MYRF: variants seen among roughly 807,000 people sequenced by gnomAD.
MYRF encodes the protein myelin gene regulatory factor.
In MYRF, 16 loss-of-function variants were observed where a neutral mutation model predicts 126.3. The ratio of observed to expected loss-of-function variants is 0.13; its 90% CI spans 0.09 to 0.19. The LOEUF (loss-of-function observed/expected upper bound fraction) is 0.19. Among genes scored for constraint, MYRF ranks in the 10% least tolerant of loss-of-function variants. MYRF has a pLI of 1.00. For missense variants in MYRF, 1,104 were observed against 1,547.0 expected (o/e 0.71, Z 4.80); for synonymous variants, 608 against 635.3 (o/e 0.96, Z 0.65).
At chr11:61,758,137 C>T (rs1363312872) in intron 1 of MYRF, among the ~76,000 whole-genome samples, 3 of 152,062 alleles carry the variant, frequency 2.0e-5, no homozygotes, top group African/African-American at 4.8e-5. Flanking sequence ...CAGTTGGGTC[C>T]GGAGCCCCCT....
In MYRF at chr11:61,770,411, C is replaced by T; in HGVS notation, c.626C>T (p.Ala209Val). 1 of 1,541,356 alleles carries T rather than the reference C, an allele frequency of 6.5e-7. No individual in the cohort carries two copies. Among genetic ancestry groups the T allele is most frequent in the South Asian group, 1.2e-5 (1 of 83,562 alleles). The change falls in exon 5 of 27, where the codon GCC becomes GTC. Residue 209 changes from alanine (A) to valine (V), a missense_variant. Transcript: ENST00000278836. ...CTGCAGCGGGATCTGTACATGAAGG[C>T]CGAGCCCCCGATCCCCCACTACGCT... ...PVLQRDLYMK[A>V]EPPIPHYAAM...
intron 1 of MYRF, among the ~76,000 whole-genome samples, chr11:61,760,975 T>G (rs766264334): frequency 1.3e-5 from 2 of 152,132 alleles, no homozygotes; most frequent in Non-Finnish European, 2.9e-5. Context: ...GAGAGGACAC[T>G]CAGAGCAACT....
At chr11:61,762,564 A>G (rs1357121607) in intron 1 of MYRF, among the ~76,000 whole-genome samples, 1 of 152,050 alleles carries the variant, frequency 6.6e-6, no homozygotes, top group African/African-American at 2.4e-5. Context: ...GGCGCTCCCG[A>G]GAGTGTGCCC....
chr11:61,762,333 G>A (rs2065921452), intron 1 of MYRF, among the ~76,000 whole-genome samples: 2 of 152,354 alleles, frequency 1.3e-5, no homozygotes, highest in South Asian at 2.1e-4. Context: ...GTTTGAGAAG[G>A]GAAGGACAGA....
chr11:61,758,018 C>T (rs1237614387), intron 1 of MYRF, among the ~76,000 whole-genome samples: 3 of 152,292 alleles, frequency 2.0e-5, no homozygotes, highest in Non-Finnish European at 1.5e-5. Context: ...CTCTAGACCT[C>T]AGAGCCCTCA....
chr11:61,787,288 C>T lies in MYRF; in HGVS notation c.*1145C>T, dbSNP rs1256486021. 1 of 152,300 alleles carries T rather than the reference C, an allele frequency of 6.6e-6. No individual in the cohort carries two copies. The highest frequency in any genetic ancestry group is 1.5e-5 in the Non-Finnish European group (1 of 68,048). The allele number at this position is 152,300 out of a possible 1,614,324, so 9.4% of individuals were successfully genotyped here. Reference sequence around the variant, plus strand: ...CCTCCGACACCCATCCCACTCCCAACCACCAAGACCCTGGGTTAGGGAAGA... The same window carrying T: ...CCTCCGACACCCATCCCACTCCCAATCACCAAGACCCTGGGTTAGGGAAGA... On this transcript the variant is annotated 3_prime_UTR_variant, in exon 27 of 27. Coordinates refer to ENST00000278836, the MANE Select transcript of MYRF (RefSeq NM_001127392.3).
chr11:61,774,187 G>A (rs1052731321), intron 8 of MYRF, 25 bp downstream of exon 8: 1 of 1,580,984 alleles, frequency 6.3e-7, no homozygotes. Context: ...CAGCAAGGAA[G>A]GGAGGGCAGG....
At chr11:61,763,653 C>G (rs1017775330) in intron 1 of MYRF, among the ~76,000 whole-genome samples, 4 of 152,180 alleles carry the variant, frequency 2.6e-5, no homozygotes, top group African/African-American at 4.8e-5. Context: ...CACCTGAGGT[C>G]AGGAGTTCAA....
Position 61,778,711 on chromosome 11 carries a change from G to C in MYRF, c.2013+222G>C, listed in dbSNP as rs2066455192. 2 of 657,828 alleles carry C rather than the reference G, an allele frequency of 3.0e-6. No individual in the cohort carries two copies. The highest frequency in any genetic ancestry group is 2.8e-6 in the Non-Finnish European group (1 of 356,552). 40.7% of individuals were successfully genotyped at this position (657,828 alleles called of 1,614,324 possible). A position where few individuals can be genotyped will look rare whatever the true frequency, so the allele number is the denominator to read the frequency against. On this transcript the variant is annotated intron_variant, in intron 14 of 26. Coordinates refer to ENST00000278836, the MANE Select transcript of MYRF (RefSeq NM_001127392.3). This position sits in a 1 kb window ranked among gnomAD's most constrained non-coding sequence, Gnocchi z 4.6. ...TGGCCCCTGGAGCCTGTGTGATCAA[G>C]GGCAAGAGAAACCCTGTGGAGGGCC...
Position 61,776,185 on chromosome 11 carries a change from C to G in MYRF, c.1388+53C>G. 1.9e-6 allele frequency: 3 copies of G among 1,605,426 alleles called. No individual in the cohort carries two copies. The highest frequency in any genetic ancestry group is 2.6e-6 in the Non-Finnish European group (3 of 1,172,302). On this transcript the variant is annotated intron_variant, in intron 9 of 26. Transcript: ENST00000278836. This position sits in a 1 kb window ranked among gnomAD's most constrained non-coding sequence, Gnocchi z 4.3. ...TACCTAGAAGGGTCCACAACTAAAG[C>G]TGGCTTGGGAATGGAGGGGCCAGGG...
chr11:61,758,645 T>G (rs2065825382), intron 1 of MYRF, among the ~76,000 whole-genome samples: 1 of 152,222 alleles, frequency 6.6e-6, no homozygotes, highest in Admixed American at 6.5e-5. Context: ...TGAAGTGTGC[T>G]GAGGTGTGAA....
chr11:61,777,222 C>T lies in MYRF; in HGVS notation c.1591-42C>T. 1 of 1,587,324 alleles carries T rather than the reference C, an allele frequency of 6.3e-7. No homozygotes were observed. The highest frequency in any genetic ancestry group is 8.6e-7 in the Non-Finnish European group (1 of 1,165,726). ...CTGCTCCCAGGGCCCTGCAGGTCCC[C>T]TCCCTATCCCCCAGGACTGATCCAG... On this transcript the variant is annotated intron_variant, in intron 11 of 26. Transcript: ENST00000278836. This position sits in a 1 kb window ranked among gnomAD's most constrained non-coding sequence, Gnocchi z 8.8.
Position 61,786,182 on chromosome 11 carries a change from G to A in MYRF, c.*39G>A, listed in dbSNP as rs1201370695. On this transcript the variant is annotated 3_prime_UTR_variant, in exon 27 of 27. Coordinates refer to ENST00000278836, the MANE Select transcript of MYRF (RefSeq NM_001127392.3). The surrounding 1 kb of genome is among the most constrained non-coding windows in gnomAD (Gnocchi z 4.5). ...GGCAGCACCACACCAGGGACCAGGGGTGCCCAGGCACCCCCCAACACTGGA... is the reference window on the plus strand; with the variant it reads ...GGCAGCACCACACCAGGGACCAGGGATGCCCAGGCACCCCCCAACACTGGA... 3 of 1,596,426 alleles carry A rather than the reference G, an allele frequency of 1.9e-6. No individual in the cohort carries two copies. Among genetic ancestry groups the A allele is most frequent in the Non-Finnish European group, 2.6e-6 (3 of 1,164,464 alleles).
rs764394049 is a variant in MYRF at position 61,770,569 on chromosome 11, A to G, written c.740+44A>G. 12 of 1,510,232 alleles carry G rather than the reference A, an allele frequency of 7.9e-6. No individual in the cohort carries two copies. In the East Asian group the frequency reaches 2.9e-4, roughly 37 times the overall value. 93.6% of individuals were successfully genotyped at this position (1,510,232 alleles called of 1,614,324 possible). A position where few individuals can be genotyped will look rare whatever the true frequency, so the allele number is the denominator to read the frequency against. On this transcript the variant is annotated intron_variant, in intron 5 of 26. Transcript: ENST00000278836. Reference sequence around the variant, plus strand: ...GCTCCATGGGGTGGGAAGGTGGGGTACAGGGACCAGGGTGGGCAGGGCGGC... The same window carrying G: ...GCTCCATGGGGTGGGAAGGTGGGGTGCAGGGACCAGGGTGGGCAGGGCGGC...
At chr11:61,773,944 A>C in intron 7 of MYRF, 23 bp from the exon 8 acceptor site, 1 of 1,585,504 alleles carries the variant, frequency 6.3e-7, no homozygotes, top group South Asian at 1.1e-5. Context: ...GCCTCAGGGG[A>C]GTGCCCTCAC....
In MYRF at chr11:61,769,228, C is replaced by T. The variant is rs758356758; in HGVS notation, c.399-32C>T. 19 of 1,434,904 alleles carry T rather than the reference C, an allele frequency of 1.3e-5. No individual in the cohort carries two copies. The African/African-American group carries it at 2.0e-4, about 15-fold the overall frequency. 88.9% of individuals were successfully genotyped at this position (1,434,904 alleles called of 1,614,324 possible). A position where few individuals can be genotyped will look rare whatever the true frequency, so the allele number is the denominator to read the frequency against. ...GCTGGAAGGCAGAAGCTCAGCTGCT[C>T]ACCCCCCGGCCCCTTCCCCTGGCTC... On this transcript the variant is annotated intron_variant, in intron 3 of 26. Coordinates refer to ENST00000278836, the MANE Select transcript of MYRF (RefSeq NM_001127392.3).
intron 7 of MYRF, among the ~76,000 whole-genome samples, chr11:61,773,057 G>A (rs939592711): frequency 6.6e-6 from 1 of 151,374 alleles, no homozygotes; most frequent in African/African-American, 2.4e-5. Flanking sequence ...CCAGGCTGGA[G>A]TGCAATGGCA....
chr11:61,786,129 C>T lies in MYRF; in HGVS notation c.3442C>T (p.Arg1148Cys), dbSNP rs2066688340. 3 of 1,614,196 alleles carry T rather than the reference C, an allele frequency of 1.9e-6. No homozygotes were observed. Among genetic ancestry groups the T allele is most frequent in the Non-Finnish European group, 2.5e-6 (3 of 1,180,008 alleles). Residue 1148 changes from arginine (R) to cysteine (C), a missense_variant, in exon 27 of 27, where the codon CGC (arginine) becomes TGC (cysteine). This residue lies in a region of MYRF where 94 missense variants were observed against 164.6 expected (regional missense o/e 0.57). Transcript: ENST00000278836. The surrounding 1 kb of genome is among the most constrained non-coding windows in gnomAD (Gnocchi z 4.5). ...CACAGACTACCACTTCCACTTCTAC[C>T]GCCTGTGTGACTGAGCTGCCCTCCT... ...PATDYHFHFY[R>C]LCD
intron 3 of MYRF, chr11:61,767,150 G>A (rs1008522042): frequency 1.8e-5 from 8 of 456,554 alleles, no homozygotes; most frequent in Middle Eastern, 3.3e-4. Flanking sequence ...TGGCTTTTGG[G>A]GAGAAGGGAG....
Sources: allele counts gnomAD v4.1 joint callset (sites outside exome capture counted in the v4.1 genomes callset), GRCh38; gene constraint gnomAD v4.1.1; regional missense constraint gnomAD v4.1.1; non-coding constraint Gnocchi (gnomAD v3.1); transcripts MANE v1.5; gene names NCBI Gene and HGNC (gene_info 2026-07-23, HGNC 2026-07-21).